The following GRB2 variants were observed in gnomAD, a reference collection of about 807,000 sequenced individuals.
GRB2 encodes the protein growth factor receptor bound protein 2.
Under a neutral mutation model 27.4 loss-of-function variants are expected in GRB2, and 2 were observed. That is an observed-to-expected ratio of 0.07 (90% confidence interval 0.03 to 0.23). The LOEUF (loss-of-function observed/expected upper bound fraction) is 0.23. Ranked by LOEUF, GRB2 falls within the 10% of genes least tolerant of loss-of-function variation. The pLI, the probability that GRB2 is intolerant of heterozygous loss-of-function variation, is 1.00. For synonymous variants in GRB2, 94 were observed against 99.6 expected, an observed-to-expected ratio of 0.94 and a Z score of 0.33; for missense variants, 102 against 282.4, an observed-to-expected ratio of 0.36 and a Z score of 4.58.
chr17:75,335,123 T>A (rs1324469213), intron 2 of GRB2, among the ~76,000 whole-genome samples: 1 of 152,094 alleles, frequency 6.6e-6, no homozygotes, highest in Non-Finnish European at 1.5e-5. Flanking sequence ...TATTTATATG[T>A]TGGATTGCAA....
At chr17:75,389,768 C>T (rs892049242) in intron 2 of GRB2, among the ~76,000 whole-genome samples, 1 of 152,004 alleles carries the variant, frequency 6.6e-6, no homozygotes, top group African/African-American at 2.4e-5. Context: ...TGGCGTGAAC[C>T]CGGGAGGCAG....
chr17:75,320,671 A>G lies in GRB2; in HGVS notation c.469-118T>C. ...CGTGCCAAATTCTCCATGTTTCTTA[A>G]ACTCACCTCCCATCTCCCAACCCCC... On this transcript the variant is annotated intron_variant, in intron 5 of 5. Transcript: ENST00000316804. The surrounding 1 kb of genome is among the most constrained non-coding windows in gnomAD (Gnocchi z 4.3). 1 of 704,240 alleles carries G rather than the reference A, an allele frequency of 1.4e-6. No homozygotes were observed. The allele number at this position is 704,240 out of a possible 1,614,324, so 43.6% of individuals were successfully genotyped here. A position where few individuals can be genotyped will look rare whatever the true frequency, so the allele number is the denominator to read the frequency against.
intron 3 of GRB2, among the ~76,000 whole-genome samples, chr17:75,327,741 A>G (rs1461276702): frequency 6.6e-6 from 1 of 152,152 alleles, no homozygotes; most frequent in Non-Finnish European, 1.5e-5. Context: ...CTCAAATTCA[A>G]ACAGAAAGAT....
intron 2 of GRB2, among the ~76,000 whole-genome samples, chr17:75,368,663 G>A (rs2078836458): frequency 6.6e-6 from 1 of 151,788 alleles, no homozygotes; most frequent in Non-Finnish European, 1.5e-5. Context: ...TCCCACCTAA[G>A]CCTCCTGAGT....
rs2078438760 is a variant in GRB2 at position 75,319,222 on chromosome 17, C to A, written c.*1146G>T. Reference sequence around the variant, plus strand: ...TGTCTCCTTTGCTCTACCCTGGCTCCCCTGCCCGGAGGGAAAAATATTTAC... The same window carrying A: ...TGTCTCCTTTGCTCTACCCTGGCTCACCTGCCCGGAGGGAAAAATATTTAC... On this transcript the variant is annotated 3_prime_UTR_variant, in exon 6 of 6. Coordinates refer to ENST00000316804, the MANE Select transcript of GRB2 (RefSeq NM_002086.5). 6.6e-6 allele frequency: 1 copy of A among 152,370 alleles called. No homozygotes were observed. Among genetic ancestry groups the A allele is most frequent in the Non-Finnish European group, 1.5e-5 (1 of 68,016 alleles). The allele number at this position is 152,370 out of a possible 1,614,324, so 9.4% of individuals were successfully genotyped here. A position where few individuals can be genotyped will look rare whatever the true frequency, so the allele number is the denominator to read the frequency against.
intron 3 of GRB2, chr17:75,326,290 G>A (rs1213032225): frequency 1.1e-5 from 5 of 443,422 alleles, no homozygotes; most frequent in Non-Finnish European, 2.1e-5. Context: ...ATTTGAAAAT[G>A]GGCCCCCCAG....
At chr17:75,348,544 G>A (rs1362514142) in intron 2 of GRB2, among the ~76,000 whole-genome samples, 1 of 152,190 alleles carries the variant, frequency 6.6e-6, no homozygotes, top group East Asian at 1.9e-4. Context: ...AAAAGGCATG[G>A]TCCCTGCCCT....
Position 75,320,028 on chromosome 17 carries a change from AT to A in GRB2, c.*339del. The A allele has an allele frequency of 5.4e-6, 1 of 184,806 alleles. No individual in the cohort carries two copies. The highest frequency in any genetic ancestry group is 1.3e-4 in the East Asian group (1 of 7,662). 11.4% of individuals were successfully genotyped at this position (184,806 alleles called of 1,614,324 possible). On this transcript the variant is annotated 3_prime_UTR_variant, in exon 6 of 6. Transcript: ENST00000316804. This position sits in a 1 kb window ranked among gnomAD's most constrained non-coding sequence, Gnocchi z 4.3. The stretch of plus-strand genomic sequence containing the variant: ...CAGCCCACTTGGTTTCTTGTTTTTT[AT>A]TATTGGCGTCAGCTAGGACTATACG...
At chr17:75,357,959 G>A (rs746500956) in intron 2 of GRB2, among the ~76,000 whole-genome samples, 1 of 152,126 alleles carries the variant, frequency 6.6e-6, no homozygotes, top group Non-Finnish European at 1.5e-5. Flanking sequence ...TTAGCTGGGC[G>A]TGGTGGCGCG....
intron 3 of GRB2, among the ~76,000 whole-genome samples, chr17:75,328,917 G>A (rs1249556638): frequency 1.3e-5 from 2 of 150,212 alleles, no homozygotes; most frequent in Non-Finnish European, 3.0e-5. Context: ...TAGCCTGGGC[G>A]ACAAAGCGAG....
At chr17:75,393,403 G>A in intron 2 of GRB2, 148 bp downstream of exon 2, 1 of 701,408 alleles carries the variant, frequency 1.4e-6, no homozygotes, top group Middle Eastern at 2.6e-4. Context: ...ATTCTACTCA[G>A]CATCTAAAGC....
chr17:75,355,643 GTT>G (rs1427342582), intron 2 of GRB2, among the ~76,000 whole-genome samples: 1 of 148,898 alleles, frequency 6.7e-6, no homozygotes, highest in African/African-American at 2.5e-5. Flanking sequence ...ATCTCATAAT[GTT>G]TTAAGAAAGC....
intron 2 of GRB2, among the ~76,000 whole-genome samples, chr17:75,348,041 C>A (rs2078666123): frequency 6.6e-6 from 1 of 152,174 alleles, no homozygotes. Context: ...GTTCTGTTAA[C>A]CGCTTTTTCA....
chr17:75,356,183 T>C (rs904951252), intron 2 of GRB2, among the ~76,000 whole-genome samples: 81 of 152,204 alleles, frequency 5.3e-4, no homozygotes, highest in African/African-American at 1.8e-3. Flanking sequence ...TATGAGTACA[T>C]TTCCCCCTAA....
intron 2 of GRB2, among the ~76,000 whole-genome samples, chr17:75,380,231 T>C (rs1202026234): frequency 1.3e-5 from 2 of 152,114 alleles, no homozygotes; most frequent in Admixed American, 6.6e-5. Flanking sequence ...CTTTCCTTAT[T>C]AGACAGCAAG....
At chr17:75,366,548 C>CAGCACTTT (rs1220160170) in intron 2 of GRB2, among the ~76,000 whole-genome samples, 1 of 150,574 alleles carries the variant, frequency 6.6e-6, no homozygotes, top group African/African-American at 2.4e-5. Context: ...ACTGTAATCT[C>CAGCACTTT]AGCACTTTGG....
At chr17:75,388,366 A>G (rs1387592064) in intron 2 of GRB2, among the ~76,000 whole-genome samples, 1 of 152,082 alleles carries the variant, frequency 6.6e-6, no homozygotes, top group East Asian at 1.9e-4. Flanking sequence ...GCCTCCCCAA[A>G]GTGTTGGGAT....
rs904209552 is a variant in GRB2 at position 75,357,920 on chromosome 17, CAA to C, written c.79-25125_79-25124del. Among the ~76,000 whole-genome samples, 1,042 of 148,356 alleles carry C rather than the reference CAA, an allele frequency of 7.0e-3. 13 individuals are homozygous for C. Among genetic ancestry groups the C allele is most frequent in the African/African-American group, 0.025 (997 of 40,110 alleles). ...TAGGCGACACAGTGAGACTTTGTCT[CAA>C]AAAAAACAAAAAACAAAAAACAAAA... On this transcript the variant is annotated intron_variant, in intron 2 of 5. Transcript: ENST00000316804.
chr17:75,334,855 CTTTTT>C (rs10545922), intron 2 of GRB2, among the ~76,000 whole-genome samples: 1 of 143,744 alleles, frequency 7.0e-6, no homozygotes, highest in Non-Finnish European at 1.5e-5. Context: ...CTCAAAATAT[CTTTTT>C]TTTTTTTTTT....
Sources: allele counts gnomAD v4.1 joint callset (sites outside exome capture counted in the v4.1 genomes callset), GRCh38; gene constraint gnomAD v4.1.1; non-coding constraint Gnocchi (gnomAD v3.1); transcripts MANE v1.5; gene names NCBI Gene and HGNC (gene_info 2026-07-23, HGNC 2026-07-21).